CSNK1E: variants seen among roughly 807,000 people sequenced by gnomAD.
The protein encoded by CSNK1E is casein kinase 1 epsilon.
A neutral mutation model predicts 46.1 loss-of-function variants in CSNK1E; 17 were observed. The ratio of observed to expected loss-of-function variants is 0.37; its 90% CI spans 0.25 to 0.55. The LOEUF (loss-of-function observed/expected upper bound fraction) is 0.55, where lower values mean the gene tolerates loss of function less well. CSNK1E is among the 20% of genes least tolerant of loss of function. CSNK1E has a pLI of 0.82. For missense variants in CSNK1E, 386 were observed against 595.4 expected (o/e 0.65, Z 3.66); for synonymous variants, 241 against 242.6 (o/e 0.99, Z 0.06).
chr22:38,296,515 G>T, intron 7 of CSNK1E: 1 of 1,590,046 alleles, frequency 6.3e-7, no homozygotes, highest in Non-Finnish European at 8.6e-7. Flanking sequence ...TCTGCCAGGG[G>T]ACTGCTGGAG....
At chr22:38,301,994 T>C (rs1045728232) in intron 4 of CSNK1E, among the ~76,000 whole-genome samples, 4 of 152,212 alleles carry the variant, frequency 2.6e-5, no homozygotes, top group Admixed American at 6.5e-5. Flanking sequence ...TTCCTCCCTA[T>C]GCTGATGAAG....
In CSNK1E at chr22:38,290,803, T is replaced by TG. The variant is rs962443607; in HGVS notation, c.*1167_*1168insC. On this transcript the variant is annotated 3_prime_UTR_variant, in exon 11 of 11. Coordinates refer to ENST00000396832, the MANE Select transcript of CSNK1E (RefSeq NM_152221.3). Reference sequence around the variant, plus strand: ...AAAATTCCCCCCAAAGTTCTTCAGTTTTTTTTTTTTCAGTTTTTTAAATTA... The same window carrying TG: ...AAAATTCCCCCCAAAGTTCTTCAGTTGTTTTTTTTTTCAGTTTTTTAAATTA... 58 of 147,306 alleles carry TG rather than the reference T, an allele frequency of 3.9e-4. No homozygotes were observed. Among genetic ancestry groups the TG allele is most frequent in the African/African-American group, 1.4e-3 (57 of 39,826 alleles). The allele number at this position is 147,306 out of a possible 1,614,324, so 9.1% of individuals were successfully genotyped here.
Position 38,309,229 on chromosome 22 carries a change from G to A in CSNK1E, c.76+4853C>T, listed in dbSNP as rs1261654724. Among the ~76,000 whole-genome samples, 1 of 152,218 alleles carries A rather than the reference G, an allele frequency of 6.6e-6. No individual in the cohort carries two copies. The highest frequency in any genetic ancestry group is 1.5e-5 in the Non-Finnish European group (1 of 68,048). ...ACGAAAGGGCTGGAGGAGGCTAGAG[G>A]GGTAGTGGAAGGCCTGGGAAGGCCA... On this transcript the variant is annotated intron_variant, in intron 2 of 10. Coordinates refer to ENST00000396832, the MANE Select transcript of CSNK1E (RefSeq NM_152221.3). The surrounding 1 kb of genome is among the most constrained non-coding windows in gnomAD (Gnocchi z 4.8).
At position 38,317,253 on chromosome 22, in the gene CSNK1E, C is replaced by G. The variant is rs2092752097; in HGVS notation, c.-106G>C. 2 of 148,140 alleles carry G rather than the reference C, an allele frequency of 1.4e-5. No individual in the cohort carries two copies. Among genetic ancestry groups the G allele is most frequent in the South Asian group, 3.6e-4 (2 of 5,620 alleles). 9.2% of individuals were successfully genotyped at this position (148,140 alleles called of 1,614,324 possible). ...GGCGGATGCCGGAGGATTCGCGGAG[C>G]CGCCCGGCGCGCCAGCCTCTCCCGG... On this transcript the variant is annotated 5_prime_UTR_variant, in exon 1 of 11. Coordinates refer to ENST00000396832, the MANE Select transcript of CSNK1E (RefSeq NM_152221.3).
In CSNK1E at chr22:38,300,021, T is replaced by C; in HGVS notation, c.610A>G (p.Met204Val). 6.2e-7 allele frequency: 1 copy of C among 1,614,160 alleles called. No individual in the cohort carries two copies. ...DDLESLGYVL[M>V]YFNLGSLPWQ... ...GGCAGGGAGCCCAGGTTGAAGTACATGAGCACGTAGCCCAGGCTCTCCAGG... is the reference window on the plus strand; with the variant it reads ...GGCAGGGAGCCCAGGTTGAAGTACACGAGCACGTAGCCCAGGCTCTCCAGG... The change falls in exon 6 of 11, where the codon ATG (methionine) becomes GTG (valine). Residue 204 changes from methionine to valine, a missense_variant. By Grantham distance (21) the Met-to-Val change is conservative. Transcript: ENST00000396832. This position sits in a 1 kb window ranked among gnomAD's most constrained non-coding sequence, Gnocchi z 4.4.
chr22:38,308,181 T>G (rs2092706464), intron 2 of CSNK1E, among the ~76,000 whole-genome samples: 1 of 152,246 alleles, frequency 6.6e-6, no homozygotes, highest in Non-Finnish European at 1.5e-5. Context: ...CTGGCTTCTT[T>G]CACTTAACAC....
At position 38,309,608 on chromosome 22, in the gene CSNK1E, C is replaced by G. The variant is rs2092712517; in HGVS notation, c.76+4474G>C. Among the ~76,000 whole-genome samples the G allele has an allele frequency of 6.6e-6, 1 of 152,204 alleles. No homozygotes were observed. Among genetic ancestry groups the G allele is most frequent in the Admixed American group, 6.5e-5 (1 of 15,290 alleles). On this transcript the variant is annotated intron_variant, in intron 2 of 10. Coordinates refer to ENST00000396832, the MANE Select transcript of CSNK1E (RefSeq NM_152221.3). This position sits in a 1 kb window ranked among gnomAD's most constrained non-coding sequence, Gnocchi z 4.8. ...TAACTGGGATTACAAGCAGACACCA[C>G]CACGCCTGGCTAATTTTTGTATTAT...
Position 38,298,268 on chromosome 22 carries a change from C to CG in CSNK1E, c.885+517dup. 1 of 1,228,164 alleles carries CG rather than the reference C, an allele frequency of 8.1e-7. No homozygotes were observed. The highest frequency in any genetic ancestry group is 1.6e-5 in the African/African-American group (1 of 64,478). 76.1% of individuals were successfully genotyped at this position (1,228,164 alleles called of 1,614,324 possible). A position where few individuals can be genotyped will look rare whatever the true frequency, so the allele number is the denominator to read the frequency against. ...CAGATTCCAGAGCTCTGGGTACGGCCGGCCAATGCTGCTCCCCACCCAACC... is the reference window on the plus strand; with the variant it reads ...CAGATTCCAGAGCTCTGGGTACGGCCGGGCCAATGCTGCTCCCCACCCAACC... On this transcript the variant is annotated intron_variant, in intron 7 of 10. Coordinates refer to ENST00000396832, the MANE Select transcript of CSNK1E (RefSeq NM_152221.3). This position sits in a 1 kb window ranked among gnomAD's most constrained non-coding sequence, Gnocchi z 4.2.
chr22:38,313,497 G>A (rs2092729765), intron 2 of CSNK1E, among the ~76,000 whole-genome samples: 1 of 152,208 alleles, frequency 6.6e-6, no homozygotes, highest in African/African-American at 2.4e-5. Flanking sequence ...TCAGTGATTT[G>A]TTTAAAATGC....
upstream of CSNK1E, among the ~76,000 whole-genome samples, chr22:38,317,782 C>T (rs2092756307): frequency 2.6e-5 from 4 of 152,286 alleles, no homozygotes; most frequent in South Asian, 8.3e-4. Context: ...GGATCTCTCT[C>T]CTCTCCAGGC....
Position 38,298,850 on chromosome 22 carries a change from CG to C in CSNK1E, c.820del (p.Arg274AlafsTer20). The C allele has an allele frequency of 6.2e-7, 1 of 1,614,130 alleles. No individual in the cohort carries two copies. On this transcript the variant is annotated frameshift_variant, in exon 7 of 11. Coordinates refer to ENST00000396832, the MANE Select transcript of CSNK1E (RefSeq NM_152221.3). LOFTEE classifies it high-confidence loss of function. This position sits in a 1 kb window ranked among gnomAD's most constrained non-coding sequence, Gnocchi z 4.2. ...PDYSYLRQLF[R>X]NLFHRQGFSY... ...GAAGCCCTGCCGGTGGAAGAGGTTG[CG>C]GAAGAGCTGACGTAGGTAAGAGTAG...
Position 38,314,165 on chromosome 22 carries a change from T to C in CSNK1E, c.-8A>G. 2 of 1,613,806 alleles carry C rather than the reference T, an allele frequency of 1.2e-6. No individual in the cohort carries two copies. Among genetic ancestry groups the C allele is most frequent in the South Asian group, 2.2e-5 (2 of 91,080 alleles). ...CCCCACACGTAGCTCCATGGCTCAC[T>C]CTTGCTGCAGAGGAAGCAGGAACAT... On this transcript the variant is annotated 5_prime_UTR_variant, in exon 2 of 11. Transcript: ENST00000396832.
At chr22:38,305,877 G>T (rs1689669752) in intron 2 of CSNK1E, among the ~76,000 whole-genome samples, 1 of 152,128 alleles carries the variant, frequency 6.6e-6, no homozygotes, top group Admixed American at 6.6e-5. Context: ...ACGCTACTCA[G>T]CCCTGACCAG....
intron 4 of CSNK1E, 43 bp downstream of exon 4, chr22:38,302,818 G>A (rs2092680099): frequency 6.2e-7 from 1 of 1,609,546 alleles, no homozygotes; most frequent in East Asian, 2.2e-5. Flanking sequence ...GGTATCCTGG[G>A]CCCACAGGCA....
Position 38,298,727 on chromosome 22 carries a change from T to C in CSNK1E, c.885+59A>G. 2 of 1,597,430 alleles carry C rather than the reference T, an allele frequency of 1.3e-6. No individual in the cohort carries two copies. Among genetic ancestry groups the C allele is most frequent in the Non-Finnish European group, 1.7e-6 (2 of 1,167,402 alleles). ...CCGCCACCAGCTCACTCTGGCCCTC[T>C]GAGTCAGGGCCTTCCCCATCCAGTC... On this transcript the variant is annotated intron_variant, in intron 7 of 10. Transcript: ENST00000396832. This position sits in a 1 kb window ranked among gnomAD's most constrained non-coding sequence, Gnocchi z 4.2.
chr22:38,303,067 C>T lies in CSNK1E; in HGVS notation c.188-58G>A, dbSNP rs1412146401. On this transcript the variant is annotated intron_variant, in intron 3 of 10. Transcript: ENST00000396832. The surrounding 1 kb of genome is among the most constrained non-coding windows in gnomAD (Gnocchi z 4.7). The stretch of plus-strand genomic sequence containing the variant: ...TCAGAGGCAGGCAGCCAGCCACGCC[C>T]GGCCCACCCTGTGCTCATGGCTGCC... 15 of 1,602,216 alleles carry T rather than the reference C, an allele frequency of 9.4e-6. 1 individual carries two copies. Among genetic ancestry groups the T allele is most frequent in the South Asian group, 7.8e-5 (7 of 90,220 alleles).
chr22:38,301,920 T>C (rs1383498220), intron 4 of CSNK1E, among the ~76,000 whole-genome samples: 6 of 111,548 alleles, frequency 5.4e-5, no homozygotes. Flanking sequence ...TTAAAACCCC[T>C]GTACGAGATC....
At chr22:38,302,513 G>A (rs2092678120) in intron 4 of CSNK1E, among the ~76,000 whole-genome samples, 1 of 152,190 alleles carries the variant, frequency 6.6e-6, no homozygotes, top group African/African-American at 2.4e-5. Flanking sequence ...GAGAGGCTAA[G>A]ATGGGCGGAT....
In CSNK1E at chr22:38,300,105, C is replaced by CA. The variant is rs2145835057; in HGVS notation, c.566-41dup. The CA allele has an allele frequency of 6.3e-7, 1 of 1,592,972 alleles. No homozygotes were observed. Among genetic ancestry groups the CA allele is most frequent in the East Asian group, 2.2e-5 (1 of 44,530 alleles). On this transcript the variant is annotated intron_variant, in intron 5 of 10. Transcript: ENST00000396832. The surrounding 1 kb of genome is among the most constrained non-coding windows in gnomAD (Gnocchi z 4.4). Reference sequence around the variant, plus strand: ...AAAGACTAGGTGAGGGACAGGGGTCCACTCAGGCCCCTAACTCATCCTCTG... The same window carrying CA: ...AAAGACTAGGTGAGGGACAGGGGTCCAACTCAGGCCCCTAACTCATCCTCTG...
Sources: gnomAD v4.1 joint callset for allele counts (sites outside exome capture counted in the v4.1 genomes callset) on GRCh38, gnomAD v4.1.1 for gene constraint, Gnocchi (gnomAD v3.1) non-coding constraint, MANE v1.5 for transcripts, NCBI Gene and HGNC (gene_info 2026-07-23, HGNC 2026-07-21) for gene names.